CAMTA1: variants seen among roughly 807,000 people sequenced by gnomAD.
CAMTA1 encodes calmodulin binding transcription activator 1.
A neutral mutation model predicts 170.9 loss-of-function variants in CAMTA1; 27 were observed. That is an observed-to-expected ratio of 0.16 (90% confidence interval 0.12 to 0.22). The LOEUF (loss-of-function observed/expected upper bound fraction) is 0.22, where lower values mean the gene tolerates loss of function less well. Ranked by LOEUF, CAMTA1 falls within the 10% of genes least tolerant of loss-of-function variation. The pLI is 1.00. For missense variants in CAMTA1, 1,619 were observed against 2,217.2 expected (o/e 0.73, Z 5.42); for synonymous variants, 833 against 891.5 (o/e 0.93, Z 1.17).
chr1:7,404,411 G>A (rs2090140152), intron 5 of CAMTA1, among the ~76,000 whole-genome samples: 1 of 152,258 alleles, frequency 6.6e-6, no homozygotes, highest in Admixed American at 6.5e-5. Flanking sequence ...GTCCTCTGGT[G>A]TTGGTCACCC....
At chr1:7,352,466 C>T (rs1447656415) in intron 5 of CAMTA1, among the ~76,000 whole-genome samples, 2 of 152,202 alleles carry the variant, frequency 1.3e-5, no homozygotes, top group Non-Finnish European at 2.9e-5. Flanking sequence ...GGGTTATTAA[C>T]GGAGACACAG....
chr1:6,960,930 T>C (rs1478185571), intron 3 of CAMTA1, among the ~76,000 whole-genome samples: 1 of 152,232 alleles, frequency 6.6e-6, no homozygotes, highest in Non-Finnish European at 1.5e-5. Context: ...ATGAGCCTGT[T>C]TTACAGGTGA....
At chr1:7,289,289 C>T (rs756483092) in intron 5 of CAMTA1, among the ~76,000 whole-genome samples, 9 of 151,974 alleles carry the variant, frequency 5.9e-5, no homozygotes, top group Admixed American at 6.5e-5. Context: ...TTTCCAGCCT[C>T]TTGTGTCTGA....
intron 9 of CAMTA1, among the ~76,000 whole-genome samples, chr1:7,666,466 G>A (rs1243255471): frequency 1.3e-5 from 2 of 152,194 alleles, no homozygotes; most frequent in Non-Finnish European, 2.9e-5. Context: ...AAAGCATCTT[G>A]CCTGAGGGAC....
intron 5 of CAMTA1, among the ~76,000 whole-genome samples, chr1:7,414,665 C>T (rs1270516869): frequency 6.6e-6 from 1 of 151,418 alleles, no homozygotes; most frequent in African/African-American, 2.4e-5. Flanking sequence ...CTTTATTATT[C>T]TTGCTAGCGG....
intron 3 of CAMTA1, among the ~76,000 whole-genome samples, chr1:6,881,460 G>C (rs1671552235): frequency 6.6e-6 from 1 of 152,182 alleles, no homozygotes; most frequent in South Asian, 2.1e-4. Flanking sequence ...CGCTGAGATA[G>C]ACAGAGATAG....
Position 7,063,235 on chromosome 1 carries a change from C to A in CAMTA1, c.235-28069C>A, listed in dbSNP as rs529087177. Among the ~76,000 whole-genome samples, 1 of 152,176 alleles carries A rather than the reference C, an allele frequency of 6.6e-6. No individual in the cohort carries two copies. Among genetic ancestry groups the A allele is most frequent in the African/African-American group, 2.4e-5 (1 of 41,446 alleles). On this transcript the variant is annotated intron_variant, in intron 3 of 22. Transcript: ENST00000303635. This position sits in a 1 kb window ranked among gnomAD's most constrained non-coding sequence, Gnocchi z 4.3. ...TGAATTTGCTCCCACTTTCTTCACC[C>A]CCTAACATCAGGTCAAATCCGGCCT...
intron 21 of CAMTA1, among the ~76,000 whole-genome samples, chr1:7,753,018 A>G (rs1254453461): frequency 6.6e-6 from 1 of 152,216 alleles, no homozygotes; most frequent in Non-Finnish European, 1.5e-5. Flanking sequence ...TGGTCATGTA[A>G]TCGCCAACAT....
chr1:6,921,561 A>G (rs1274699476), intron 3 of CAMTA1, among the ~76,000 whole-genome samples: 2 of 152,172 alleles, frequency 1.3e-5, no homozygotes, highest in African/African-American at 4.8e-5. Flanking sequence ...GTACCAATTT[A>G]CTGTATTAGT....
chr1:7,578,169 A>G (rs1487203971), intron 6 of CAMTA1, among the ~76,000 whole-genome samples: 1 of 152,066 alleles, frequency 6.6e-6, no homozygotes, highest in Admixed American at 6.5e-5. Context: ...ACCCCTGTTC[A>G]TGTCTCTCTT....
intron 6 of CAMTA1, among the ~76,000 whole-genome samples, chr1:7,569,455 C>T (rs990589113): frequency 1.3e-5 from 2 of 151,528 alleles, no homozygotes; most frequent in African/African-American, 4.9e-5. Context: ...ATCATCACCA[C>T]CACTATCAGT....
chr1:7,363,737 C>A lies in CAMTA1; in HGVS notation c.439-104093C>A, dbSNP rs142826569. On this transcript the variant is annotated intron_variant, in intron 5 of 22. Coordinates refer to ENST00000303635, the MANE Select transcript of CAMTA1 (RefSeq NM_015215.4). ...TCATCTTGGCTGTGATGAGGCTTGG[C>A]TGACCCCAGCAAGGACTCTCCATGA... Among the ~76,000 whole-genome samples, 673 of 152,284 alleles carry A rather than the reference C, an allele frequency of 4.4e-3. 2 individuals carry two copies. Among genetic ancestry groups the A allele is most frequent in the Non-Finnish European group, 7.5e-3 (508 of 68,018 alleles).
intron 5 of CAMTA1, among the ~76,000 whole-genome samples, chr1:7,289,950 T>C (rs75247107): frequency 0.014 from 2,121 of 152,304 alleles, 22 homozygotes; most frequent in Non-Finnish European, 0.023. Flanking sequence ...CCTTAATCTC[T>C]GCCAAGGCTT....
chr1:7,085,373 A>G (rs990487383), intron 3 of CAMTA1, among the ~76,000 whole-genome samples: 2 of 152,196 alleles, frequency 1.3e-5, no homozygotes, highest in African/African-American at 4.8e-5. Flanking sequence ...GAACTTCACA[A>G]TCTCTCCTTC....
intron 5 of CAMTA1, among the ~76,000 whole-genome samples, chr1:7,344,141 A>G (rs559643633): frequency 3.3e-5 from 5 of 152,346 alleles, no homozygotes; most frequent in African/African-American, 1.2e-4. Flanking sequence ...TTGTTCCACC[A>G]CACTCGGGAC....
chr1:7,202,856 G>T (rs1295144342), intron 4 of CAMTA1, among the ~76,000 whole-genome samples: 2 of 152,044 alleles, frequency 1.3e-5, no homozygotes, highest in Non-Finnish European at 2.9e-5. Flanking sequence ...TTCCAACCCG[G>T]AGGTCTTTTA....
intron 6 of CAMTA1, among the ~76,000 whole-genome samples, chr1:7,506,034 T>C (rs114442378): frequency 0.012 from 1,799 of 152,150 alleles, 40 homozygotes; most frequent in African/African-American, 0.041. Context: ...TTCACATCAG[T>C]GATGACAGAA....
chr1:6,951,156 C>CT (rs1200536499), intron 3 of CAMTA1, among the ~76,000 whole-genome samples: 2 of 152,176 alleles, frequency 1.3e-5, no homozygotes, highest in Non-Finnish European at 2.9e-5. Flanking sequence ...TTTGTTCCCA[C>CT]TTTTTTATGG....
chr1:7,093,623 C>A lies in CAMTA1; in HGVS notation c.302+2252C>A, dbSNP rs888063763. 3.3e-5 allele frequency among the ~76,000 whole-genome samples: 5 copies of A among 152,088 alleles called. No individual in the cohort carries two copies. On this transcript the variant is annotated intron_variant, in intron 4 of 22. Transcript: ENST00000303635. This position sits in a 1 kb window ranked among gnomAD's most constrained non-coding sequence, Gnocchi z 4.6. ...ACATTTCAAGGCAGCGGTTTTACCT[C>A]GAGTTTCAGCCTTTGGAATTTGGGT...
Sources: gnomAD v4.1 joint callset for allele counts (sites outside exome capture counted in the v4.1 genomes callset) on GRCh38, gnomAD v4.1.1 for gene constraint, Gnocchi (gnomAD v3.1) non-coding constraint, MANE v1.5 for transcripts, NCBI Gene and HGNC (gene_info 2026-07-23, HGNC 2026-07-21) for gene names.